Variants in DPP6 observed in about 807,000 individuals in gnomAD.
DPP6 encodes dipeptidyl peptidase like 6, also known as A-type potassium channel modulatory protein DPP6.
Under a neutral mutation model 122.6 loss-of-function variants are expected in DPP6, and 69 were observed. The ratio of observed to expected loss-of-function variants is 0.56; its 90% CI spans 0.46 to 0.69. DPP6 has a LOEUF of 0.69. DPP6 is among the 30% of genes least tolerant of loss of function. DPP6 has a pLI of 0.00. For missense variants in DPP6, 928 were observed against 1,116.9 expected (o/e 0.83, Z 2.41); for synonymous variants, 418 against 433.1 (o/e 0.97, Z 0.43).
chr7:153,976,200 A>C (rs1477049264), intron 1 of DPP6, among the ~76,000 whole-genome samples: 1 of 152,184 alleles, frequency 6.6e-6, no homozygotes, highest in Admixed American at 6.5e-5. Context: ...GTATTGAAAG[A>C]AAAAGAAGCC....
intron 1 of DPP6, among the ~76,000 whole-genome samples, chr7:154,414,658 G>T (rs184516697): frequency 6.6e-6 from 1 of 152,318 alleles, no homozygotes; most frequent in East Asian, 1.9e-4. Flanking sequence ...TGTCAGACCA[G>T]TCCTGACTTG....
intron 3 of DPP6, among the ~76,000 whole-genome samples, chr7:154,495,398 TTTTTG>T (rs1012457710): frequency 1.1e-4 from 16 of 141,944 alleles, no homozygotes; most frequent in African/African-American, 3.8e-4. Context: ...GGTTTTTTTT[TTTTTG>T]TTGTTGTTGT....
the DPP6 span, among the ~76,000 whole-genome samples, chr7:153,796,537 G>A: frequency 1.3e-5 from 2 of 152,026 alleles, no homozygotes; most frequent in Non-Finnish European, 1.5e-5. Flanking sequence ...CCCTTGAAAT[G>A]TCTTGAGTGA....
chr7:154,305,524 G>T (rs759429301), intron 1 of DPP6: 1 of 1,604,380 alleles, frequency 6.2e-7, no homozygotes, highest in Non-Finnish European at 8.5e-7. Context: ...CAAGCGCTTC[G>T]GGGAAATCCG....
At chr7:153,914,745 T>C (rs1800234027) in intron 1 of DPP6, among the ~76,000 whole-genome samples, 1 of 152,160 alleles carries the variant, frequency 6.6e-6, no homozygotes, top group African/African-American at 2.4e-5. Context: ...TTCGGAGAGA[T>C]TGAGACTGCC....
chr7:154,821,677 TACACACACATATATATATAC>T lies in DPP6; in HGVS notation c.1666+14587_1666+14606del, dbSNP rs1430906976. 2.2e-3 allele frequency among the ~76,000 whole-genome samples: 289 copies of T among 133,818 alleles called. 2 individuals carry two copies. Among genetic ancestry groups the T allele is most frequent in the Non-Finnish European group, 3.7e-3 (236 of 63,574 alleles). The allele number at this position is 133,818 out of a possible 152,430, so 87.8% of individuals were successfully genotyped here. A position where few individuals can be genotyped will look rare whatever the true frequency, so the allele number is the denominator to read the frequency against. Reference sequence around the variant, plus strand: ...ATATATATATATACACATATATATATACACACACATATATATATACACACACACATATATATATACAGAAA... The same window carrying T: ...ATATATATATATACACATATATATATACACACACATATATATATACAGAAA... On this transcript the variant is annotated intron_variant, in intron 16 of 25. Transcript: ENST00000377770. This position sits in a 1 kb window ranked among gnomAD's most constrained non-coding sequence, Gnocchi z 4.2.
intron 1 of DPP6, among the ~76,000 whole-genome samples, chr7:154,250,736 G>A (rs181742150): frequency 2.6e-5 from 4 of 152,200 alleles, no homozygotes; most frequent in African/African-American, 4.8e-5. Context: ...TGAAGTCCCC[G>A]TCAAGACGAA....
At chr7:154,872,164 C>G (rs73728629) in intron 18 of DPP6, among the ~76,000 whole-genome samples, 7,475 of 152,288 alleles carry the variant, frequency 0.049, 623 homozygotes, top group African/African-American at 0.17. Context: ...ACCCTCTCCC[C>G]TCTAGGCGGC....
chr7:153,898,144 A>G (rs1799486505), intron 1 of DPP6, among the ~76,000 whole-genome samples: 1 of 152,188 alleles, frequency 6.6e-6, no homozygotes, highest in Non-Finnish European at 1.5e-5. Context: ...CTAATAATTT[A>G]TTGTATATTT....
Position 154,853,834 on chromosome 7 carries a change from G to A in DPP6, c.1714+7G>A, listed in dbSNP as rs976253707. The A allele has an allele frequency of 2.5e-6, 4 of 1,613,426 alleles. No homozygotes were observed. In the African/African-American group the frequency reaches 5.3e-5, roughly 22 times the overall value. On this transcript the variant is annotated splice_region_variant and intron_variant, in intron 17 of 25. Coordinates refer to ENST00000377770, the MANE Select transcript of DPP6 (RefSeq NM_130797.4). Reference sequence around the variant, plus strand: ...AACACAACAGATAAGAAAAGTAAGTGCTCTTTTTTTTCCTTAAATCTTCCT... The same window carrying A: ...AACACAACAGATAAGAAAAGTAAGTACTCTTTTTTTTCCTTAAATCTTCCT...
chr7:154,249,469 C>G (rs1377844510), intron 1 of DPP6, among the ~76,000 whole-genome samples: 1 of 152,166 alleles, frequency 6.6e-6, no homozygotes, highest in Non-Finnish European at 1.5e-5. Flanking sequence ...TTGCAAACAT[C>G]CGGTGTTCTG....
chr7:154,669,588 A>G (rs1333591107), intron 7 of DPP6, 147 bp downstream of exon 7: 2 of 1,298,640 alleles, frequency 1.5e-6, no homozygotes, highest in East Asian at 2.7e-5. Context: ...CTGGAGAGGT[A>G]CACCAGGGTG....
intron 21 of DPP6, among the ~76,000 whole-genome samples, chr7:154,883,388 T>TCA (rs138312012): frequency 2.6e-4 from 27 of 105,224 alleles, no homozygotes; most frequent in Admixed American, 5.2e-4. Context: ...ATACACCTGC[T>TCA]CACACACACA....
chr7:154,288,531 G>A (rs1804999439), intron 1 of DPP6, among the ~76,000 whole-genome samples: 2 of 152,202 alleles, frequency 1.3e-5, no homozygotes, highest in South Asian at 4.1e-4. Flanking sequence ...GGAGAGGAGA[G>A]ACGATTTATG....
At chr7:154,061,682 TGGGACCACCATCGC>T (rs1801929840) in intron 1 of DPP6, among the ~76,000 whole-genome samples, 4 of 132,054 alleles carry the variant, frequency 3.0e-5, no homozygotes, top group African/African-American at 1.2e-4. Flanking sequence ...CCCTGGCTCT[TGGGACCACCATCGC>T]AGGGGGGGAG....
chr7:154,406,476 C>T (rs1033151166), intron 1 of DPP6, among the ~76,000 whole-genome samples: 3 of 148,844 alleles, frequency 2.0e-5, no homozygotes, highest in Admixed American at 6.7e-5. Context: ...CACGCACACG[C>T]ATACACACAC....
At position 154,769,508 on chromosome 7, in the gene DPP6, C is replaced by T. The variant is rs561437580; in HGVS notation, c.975C>T (p.Ile325=). ...CCATCAATGATTCCCGTGTCCCCAT[C>T]ATGGAGCTCCCAACTTACACCGGCT... ...YAAINDSRVP[I]MELPTYTGSI... is the part of the protein sequence containing the mutation. The change falls in exon 9 of 26, where the codon ATC becomes ATT. Residue 325 remains isoleucine (I), a synonymous_variant. Coordinates refer to ENST00000377770, the MANE Select transcript of DPP6 (RefSeq NM_130797.4). 1.2e-6 allele frequency: 2 copies of T among 1,613,686 alleles called. No homozygotes were observed. Among genetic ancestry groups the T allele is most frequent in the East Asian group, 2.2e-5 (1 of 44,870 alleles).
chr7:154,507,704 GA>G (rs1825767589), intron 3 of DPP6, among the ~76,000 whole-genome samples: 1 of 152,152 alleles, frequency 6.6e-6, no homozygotes, highest in Admixed American at 6.6e-5. Flanking sequence ...ACCCAATAAA[GA>G]AATCTCTCAG....
chr7:154,280,593 AT>A (rs35605704), intron 1 of DPP6, among the ~76,000 whole-genome samples: 39,229 of 152,162 alleles, frequency 0.26, 5,481 homozygotes, highest in Non-Finnish European at 0.31. Context: ...ACTATTAATA[AT>A]TAGCTATTAA....
Sources: allele counts gnomAD v4.1 joint callset (sites outside exome capture counted in the v4.1 genomes callset), GRCh38; gene constraint gnomAD v4.1.1; non-coding constraint Gnocchi (gnomAD v3.1); transcripts MANE v1.5; gene names NCBI Gene and HGNC (gene_info 2026-07-23, HGNC 2026-07-21).